The following DGKG variants were observed in gnomAD, a reference collection of about 807,000 sequenced individuals.
DGKG encodes the protein DAG kinase gamma.
DGKG carries 78 observed loss-of-function variants against 105.3 expected under a neutral mutation model. That is an observed-to-expected ratio of 0.74 (90% CI 0.62 to 0.89). The LOEUF is 0.89. Ranked by LOEUF, DGKG falls within the 40% of genes least tolerant of loss-of-function variation. The probability of loss-of-function intolerance (pLI) is 0.00; values close to 1 mark genes in which losing one functional copy is unlikely to be tolerated. For missense variants in DGKG, 958 were observed against 1,020.1 expected (o/e 0.94, Z 0.83); for synonymous variants, 346 against 367.1 (o/e 0.94, Z 0.66).
chr3:186,159,101 T>C (rs1716169034), intron 24 of DGKG: 1 of 156,134 alleles, frequency 6.4e-6, no homozygotes, highest in South Asian at 2.0e-4. Flanking sequence ...GATCTTTTAA[T>C]AGGGAATTTT....
At chr3:186,283,499 C>T (rs764435560) in intron 7 of DGKG, among the ~76,000 whole-genome samples, 11 of 152,148 alleles carry the variant, frequency 7.2e-5, no homozygotes, top group South Asian at 2.1e-4. Flanking sequence ...CCTTCCTCGG[C>T]GACCCTCGCT....
intron 19 of DGKG, 115 bp downstream of exon 19, chr3:186,251,644 C>CT (rs1721231166): frequency 8.1e-7 from 1 of 1,230,572 alleles, no homozygotes; most frequent in Non-Finnish European, 1.2e-6. Context: ...CAACTCAGGG[C>CT]TGGGGGGGCA....
intron 1 of DGKG, among the ~76,000 whole-genome samples, chr3:186,360,988 G>T (rs766380636): frequency 3.9e-5 from 6 of 152,228 alleles, no homozygotes; most frequent in Non-Finnish European, 7.3e-5. Context: ...GGTTCACAGC[G>T]CTCCCGGGCA....
intron 2 of DGKG, among the ~76,000 whole-genome samples, chr3:186,317,576 C>T (rs968489947): frequency 3.9e-5 from 6 of 152,220 alleles, no homozygotes; most frequent in African/African-American, 1.4e-4. Flanking sequence ...TTCTTGGAAG[C>T]TCCCATGATG....
chr3:186,267,992 G>C (rs1249128689), intron 12 of DGKG, among the ~76,000 whole-genome samples: 1 of 152,078 alleles, frequency 6.6e-6, no homozygotes, highest in African/African-American at 2.4e-5. Context: ...AAGAGGCCAA[G>C]AGCCGCTCAT....
rs537931846 is a variant in DGKG, at chr3:186,147,410, T to C, written c.*2680A>G. 8.2e-6 allele frequency: 8 copies of C among 979,956 alleles called. No homozygotes were observed. The African/African-American group carries it at 1.0e-4, about 13-fold the overall frequency. 60.7% of individuals were successfully genotyped at this position (979,956 alleles called of 1,614,324 possible). A position where few individuals can be genotyped will look rare whatever the true frequency, so the allele number is the denominator to read the frequency against. ...GATAATAATACCTTCTCTGCTAACC[T>C]CAGAGGTTGCTATGAGGGTCACTAT... On this transcript the variant is annotated 3_prime_UTR_variant, in exon 25 of 25. Coordinates refer to ENST00000265022, the MANE Select transcript of DGKG (RefSeq NM_001346.3).
At chr3:186,304,963 A>C (rs191013000) in intron 3 of DGKG, among the ~76,000 whole-genome samples, 121 of 152,346 alleles carry the variant, frequency 7.9e-4, no homozygotes, top group African/African-American at 2.7e-3. Flanking sequence ...AGTGCCCAGT[A>C]CAGTGCATAG....
At chr3:186,316,542 T>C (rs1724828596) in intron 2 of DGKG, among the ~76,000 whole-genome samples, 2 of 152,232 alleles carry the variant, frequency 1.3e-5, no homozygotes, top group Admixed American at 6.5e-5. Flanking sequence ...ACATTAGCTC[T>C]TTTGATAAGT....
intron 6 of DGKG, among the ~76,000 whole-genome samples, chr3:186,286,307 AC>A (rs954546516): frequency 6.6e-6 from 1 of 152,146 alleles, no homozygotes; most frequent in Non-Finnish European, 1.5e-5. Flanking sequence ...GACATAGAGG[AC>A]AGACCTTTTC....
intron 21 of DGKG, among the ~76,000 whole-genome samples, chr3:186,204,402 C>A (rs1010593699): frequency 2.0e-5 from 3 of 151,948 alleles, no homozygotes; most frequent in African/African-American, 7.2e-5. Context: ...CGAGGCCCTG[C>A]TTCAAAATAA....
chr3:186,181,981 G>T (rs1027415471), intron 22 of DGKG, among the ~76,000 whole-genome samples: 4 of 152,232 alleles, frequency 2.6e-5, no homozygotes, highest in African/African-American at 9.6e-5. Flanking sequence ...TGGGGCCAGA[G>T]AGAAACAATG....
intron 21 of DGKG, among the ~76,000 whole-genome samples, chr3:186,201,603 G>A (rs11928078): frequency 0.055 from 8,438 of 152,192 alleles, 759 homozygotes; most frequent in African/African-American, 0.19. Flanking sequence ...CACTCACTGC[G>A]CAGTTAGGAG....
chr3:186,244,773 C>T (rs945522567), intron 19 of DGKG, among the ~76,000 whole-genome samples: 7 of 152,000 alleles, frequency 4.6e-5, no homozygotes, highest in African/African-American at 1.2e-4. Flanking sequence ...CATGGGTGCA[C>T]GGGTGAGATG....
chr3:186,306,059 T>A (rs1448048566), intron 3 of DGKG, among the ~76,000 whole-genome samples: 1 of 152,124 alleles, frequency 6.6e-6, no homozygotes, highest in African/African-American at 2.4e-5. Flanking sequence ...GTGTCCAGTG[T>A]TGTTGAGCAA....
rs545987083 is a variant in DGKG, at chr3:186,301,686, G to T, written c.145-3457C>A. 1.3e-3 allele frequency among the ~76,000 whole-genome samples: 200 copies of T among 152,260 alleles called. 2 individuals are homozygous for T. The South Asian group carries it at 0.026, about 20-fold the overall frequency. ...ATGGAACTGAATTGAGATTAACTGA[G>T]GTACTACTGTGTTCTTACACTATAC... On this transcript the variant is annotated intron_variant, in intron 3 of 24. Coordinates refer to ENST00000265022, the MANE Select transcript of DGKG (RefSeq NM_001346.3).
chr3:186,357,860 T>C (rs1003840811), intron 1 of DGKG, among the ~76,000 whole-genome samples: 9 of 152,266 alleles, frequency 5.9e-5, no homozygotes, highest in Non-Finnish European at 1.3e-4. Context: ...CTTTTAAATG[T>C]GCATTCTCCA....
At chr3:186,321,978 G>A (rs1238495737) in intron 1 of DGKG, among the ~76,000 whole-genome samples, 1 of 152,142 alleles carries the variant, frequency 6.6e-6, no homozygotes, top group African/African-American at 2.4e-5. Flanking sequence ...CAGTGACCTA[G>A]CTGCCAAATC....
chr3:186,265,937 T>C (rs1722034847), intron 13 of DGKG, among the ~76,000 whole-genome samples: 1 of 152,162 alleles, frequency 6.6e-6, no homozygotes, highest in African/African-American at 2.4e-5. Flanking sequence ...CCCAAAGTGC[T>C]GGGATTACAG....
intron 22 of DGKG, among the ~76,000 whole-genome samples, chr3:186,165,247 A>G (rs1265618918): frequency 6.6e-6 from 1 of 152,228 alleles, no homozygotes; most frequent in Non-Finnish European, 1.5e-5. Flanking sequence ...TTCAGACATC[A>G]TATATATCCA....
Sources: gnomAD v4.1 joint callset for allele counts (sites outside exome capture counted in the v4.1 genomes callset) on GRCh38, gnomAD v4.1.1 for gene constraint, MANE v1.5 for transcripts, NCBI Gene and HGNC (gene_info 2026-07-23, HGNC 2026-07-21) for gene names.